Variants in PPL observed in about 807,000 individuals in gnomAD.
PPL encodes the protein 190 kDa paraneoplastic pemphigus antigen.
PPL carries 198 observed loss-of-function variants against 194.4 expected under a neutral mutation model. That is an observed-to-expected ratio of 1.02 (90% CI 0.91 to 1.15). The LOEUF is 1.15. Ranked by LOEUF, PPL falls within the 50% of genes most tolerant of loss-of-function variation. The pLI is 0.00. For synonymous variants in PPL, 1,220 were observed against 972.4 expected, an observed-to-expected ratio of 1.25 and a Z score of -4.74; for missense variants, 2,885 against 2,294.8, an observed-to-expected ratio of 1.26 and a Z score of -5.25.
chr16:4,918,741 G>A (rs1192438403), intron 1 of PPL, among the ~76,000 whole-genome samples: 4 of 152,196 alleles, frequency 2.6e-5, no homozygotes, highest in African/African-American at 9.7e-5. Context: ...TAGCTTTGCG[G>A]TCCTGTGTTC....
Position 4,893,195 on chromosome 16 carries a change from C to G in PPL, c.1650+18G>C, listed in dbSNP as rs1395480396. ...CAGGGCTCCCCCGGCCCCACCTGTG[C>G]TCCTGACCCGCAGGTACCTTGAGGT... On this transcript the variant is annotated intron_variant, in intron 14 of 21. Transcript: ENST00000345988. The G allele has an allele frequency of 3.9e-6, 6 of 1,531,722 alleles. No homozygotes were observed. Among genetic ancestry groups the G allele is most frequent in the Non-Finnish European group, 3.5e-6 (4 of 1,140,282 alleles). The allele number at this position is 1,531,722 out of a possible 1,614,324, so 94.9% of individuals were successfully genotyped here.
intron 1 of PPL, among the ~76,000 whole-genome samples, chr16:4,918,687 C>T (rs1339576979): frequency 2.6e-5 from 4 of 152,292 alleles, no homozygotes; most frequent in South Asian, 2.1e-4. Flanking sequence ...AGCTGGGATT[C>T]GAATCCAGGC....
In PPL at chr16:4,884,325, T is replaced by G; in HGVS notation, c.4330A>C (p.Thr1444Pro). 1 of 1,613,084 alleles carries G rather than the reference T, an allele frequency of 6.2e-7. No individual in the cohort carries two copies. The highest frequency in any genetic ancestry group is 8.5e-7 in the Non-Finnish European group (1 of 1,179,786). Reference protein sequence around the residue: ...EAEAREKVTHTQKVVLQQDPQ... With the variant: ...EAEAREKVTHPQKVVLQQDPQ... ...TCCTGCTGCAGCACCACCTTCTGCG[T>G]ATGGGTTACCTTCTCACGGGCCTCA... The change falls in exon 22 of 22, where the codon ACG becomes CCG. Residue 1444 changes from threonine to proline, a missense_variant. Thr to Pro is a conservative substitution (Grantham distance 38, BLOSUM62 -1). Coordinates refer to ENST00000345988, the MANE Select transcript of PPL (RefSeq NM_002705.5). The surrounding 1 kb of genome is among the most constrained non-coding windows in gnomAD (Gnocchi z 5.7).
Position 4,884,354 on chromosome 16 carries a change from T to C in PPL, c.4301A>G (p.Glu1434Gly). The change falls in exon 22 of 22, where the codon GAA becomes GGA. Residue 1434 changes from glutamate (E) to glycine (G), a missense_variant. Physicochemically the swap from Glu to Gly is moderately conservative, Grantham distance 98. Transcript: ENST00000345988. The surrounding 1 kb of genome is among the most constrained non-coding windows in gnomAD (Gnocchi z 5.7). ...QQRLAALEQE[E>G]AEAREKVTHT... Reference sequence around the variant, plus strand: ...GGTTACCTTCTCACGGGCCTCAGCTTCTTCCTGCTCCAGCGCTGCCAGCCG... The same window carrying C: ...GGTTACCTTCTCACGGGCCTCAGCTCCTTCCTGCTCCAGCGCTGCCAGCCG... 6.2e-7 allele frequency: 1 copy of C among 1,612,436 alleles called. No individual in the cohort carries two copies. Among genetic ancestry groups the C allele is most frequent in the Non-Finnish European group, 8.5e-7 (1 of 1,179,682 alleles).
rs2089163552 is a variant in PPL, at chr16:4,926,878, C to CAAGA, written c.62+10105_62+10106insTCTT. ...TGGGCAACAGAGCAAGACTCTGTCT[C>CAAGA]AAAAAAAAAAAAAACAAAAAAAAAC... On this transcript the variant is annotated intron_variant, in intron 1 of 21. Coordinates refer to ENST00000345988, the MANE Select transcript of PPL (RefSeq NM_002705.5). 2.4e-5 allele frequency among the ~76,000 whole-genome samples: 2 copies of CAAGA among 81,750 alleles called. 1 individual carries two copies. The highest frequency in any genetic ancestry group is 8.1e-4 in the East Asian group (2 of 2,480). 53.6% of individuals were successfully genotyped at this position (81,750 alleles called of 152,430 possible).
intron 1 of PPL, among the ~76,000 whole-genome samples, chr16:4,935,531 A>C (rs2142439178): frequency 6.6e-6 from 1 of 151,366 alleles, no homozygotes; most frequent in Admixed American, 6.6e-5. Flanking sequence ...GCCATGGAGG[A>C]GGGGTGTGCA....
chr16:4,934,938 A>T (rs1234989183), intron 1 of PPL, among the ~76,000 whole-genome samples: 1 of 152,166 alleles, frequency 6.6e-6, no homozygotes, highest in African/African-American at 2.4e-5. Flanking sequence ...ACATCTGCTC[A>T]GGGCTGTGGC....
At chr16:4,888,752 CAA>C (rs1250129050) in intron 19 of PPL, 1 of 498,562 alleles carries the variant, frequency 2.0e-6, no homozygotes, top group Non-Finnish European at 3.6e-6. Context: ...TAAATTCCCC[CAA>C]AGTGTTTACT....
At chr16:4,909,450 A>C (rs2088775085) in intron 2 of PPL, among the ~76,000 whole-genome samples, 1 of 107,100 alleles carries the variant, frequency 9.3e-6, no homozygotes, top group African/African-American at 4.7e-5. Flanking sequence ...TTTTTTTGAG[A>C]CAGTCTTACT....
intron 2 of PPL, among the ~76,000 whole-genome samples, chr16:4,909,864 G>T (rs369001296): frequency 6.6e-6 from 1 of 152,172 alleles, no homozygotes; most frequent in South Asian, 2.1e-4. Context: ...GGGCTTTCCT[G>T]CTACTAAAAC....
chr16:4,897,799 A>T, intron 8 of PPL, 29 bp from the exon 9 acceptor site: 1 of 1,586,036 alleles, frequency 6.3e-7, no homozygotes, highest in Non-Finnish European at 8.7e-7. Flanking sequence ...GCCGGTCACC[A>T]CTGGGCAGGT....
In PPL at chr16:4,883,738, G is replaced by A. The variant is rs773522441; in HGVS notation, c.4917C>T (p.Arg1639=). ...KDLEIDELQK[R]LGSVAVKREQ... is the part of the protein sequence containing the mutation. ...CCCGCTTGACGGCCACGGAGCCCAGGCGCTTCTGCAGCTCGTCGATCTCGA... is the reference window on the plus strand; with the variant it reads ...CCCGCTTGACGGCCACGGAGCCCAGACGCTTCTGCAGCTCGTCGATCTCGA... Residue 1639 remains arginine, a synonymous_variant, in exon 22 of 22, where the codon CGC becomes CGT. Transcript: ENST00000345988. This position sits in a 1 kb window ranked among gnomAD's most constrained non-coding sequence, Gnocchi z 4.8. The A allele has an allele frequency of 3.7e-6, 6 of 1,614,056 alleles. No individual in the cohort carries two copies. The highest frequency in any genetic ancestry group is 1.7e-6 in the Non-Finnish European group (2 of 1,180,022).
chr16:4,884,224 C>A lies in PPL; in HGVS notation c.4431G>T (p.Glu1477Asp). Residue 1477 changes from glutamate (E) to aspartate (D), a missense_variant, in exon 22 of 22, where the codon GAG becomes GAT. Transcript: ENST00000345988. The surrounding 1 kb of genome is among the most constrained non-coding windows in gnomAD (Gnocchi z 5.7). Reference sequence around the variant, plus strand: ...TCCTCCGGAGGGTCTCGAGCTCCCCCTCCAGGAGCTGCCGCCGGTGCTGCT... The same window carrying A: ...TCCTCCGGAGGGTCTCGAGCTCCCCATCCAGGAGCTGCCGCCGGTGCTGCT... ...EEEQHRRQLL[E>D]GELETLRRKL... is the part of the protein sequence containing the mutation. The A allele has an allele frequency of 1.9e-6, 3 of 1,613,836 alleles. No individual in the cohort carries two copies. The highest frequency in any genetic ancestry group is 2.5e-6 in the Non-Finnish European group (3 of 1,179,988).
chr16:4,896,639 G>GTTTTT (rs1387761941), intron 9 of PPL, among the ~76,000 whole-genome samples: 4 of 129,704 alleles, frequency 3.1e-5, no homozygotes, highest in African/African-American at 8.6e-5. Flanking sequence ...GTACGGGGTT[G>GTTTTT]TTTTTTTTTT....
At chr16:4,891,169 G>A (rs1032724199) in intron 16 of PPL, among the ~76,000 whole-genome samples, 13 of 152,340 alleles carry the variant, frequency 8.5e-5, no homozygotes, top group East Asian at 1.9e-4. Flanking sequence ...CGTGCCCTGC[G>A]CGAGAACAGC....
intron 1 of PPL, among the ~76,000 whole-genome samples, chr16:4,926,791 AT>A (rs1180156850): frequency 6.8e-6 from 1 of 147,010 alleles, no homozygotes; most frequent in Non-Finnish European, 1.5e-5. Context: ...AGGCGGGAGA[AT>A]GGCGTGAACC....
At chr16:4,904,296 CAG>C (rs1394593483) in intron 2 of PPL, among the ~76,000 whole-genome samples, 3 of 152,246 alleles carry the variant, frequency 2.0e-5, no homozygotes, top group Non-Finnish European at 4.4e-5. Flanking sequence ...ACTCAGCAAA[CAG>C]AGCTCAAGTA....
chr16:4,886,910 T>C (rs1342198901), intron 21 of PPL, among the ~76,000 whole-genome samples: 3 of 152,236 alleles, frequency 2.0e-5, no homozygotes, highest in African/African-American at 7.2e-5. Flanking sequence ...TGAGCCACCA[T>C]GCCCAGCTGA....
chr16:4,898,066 C>A (rs761582363), intron 8 of PPL, among the ~76,000 whole-genome samples: 3 of 152,164 alleles, frequency 2.0e-5, no homozygotes, highest in African/African-American at 7.2e-5. Flanking sequence ...TGTCATGGAC[C>A]GAACAGTGTC....
Sources: gnomAD v4.1 joint callset for allele counts (sites outside exome capture counted in the v4.1 genomes callset) on GRCh38, gnomAD v4.1.1 for gene constraint, Gnocchi (gnomAD v3.1) non-coding constraint, MANE v1.5 for transcripts, NCBI Gene and HGNC (gene_info 2026-07-23, HGNC 2026-07-21) for gene names.